The following TMEM244 variants were observed in gnomAD, a reference collection of about 807,000 sequenced individuals.
The protein encoded by TMEM244 is putative transmembrane protein 244.
Under a neutral mutation model 15.8 loss-of-function variants are expected in TMEM244, and 13 were observed. The observed-to-expected ratio is 0.82, with a 90% CI of 0.53 to 1.30. TMEM244 has a LOEUF of 1.30. Ranked by LOEUF, TMEM244 falls within the 50% of genes most tolerant of loss-of-function variation. The pLI, the probability that TMEM244 is intolerant of heterozygous loss-of-function variation, is 0.00. For synonymous variants in TMEM244, 45 were observed against 48.7 expected (o/e 0.92, Z 0.32); for missense variants, 161 against 144.9 (o/e 1.11, Z -0.57).
At chr6:129,855,436 A>G (rs1044085579) in intron 1 of TMEM244, among the ~76,000 whole-genome samples, 1 of 145,582 alleles carries the variant, frequency 6.9e-6, no homozygotes, top group African/African-American at 2.5e-5. Flanking sequence ...CAAAGAACTT[A>G]GTAAGTATTT....
chr6:129,840,531 T>C (rs1211715590), intron 3 of TMEM244, among the ~76,000 whole-genome samples: 1 of 152,186 alleles, frequency 6.6e-6, no homozygotes, highest in Non-Finnish European at 1.5e-5. Context: ...AAAGACTTCA[T>C]GACTAAAACC....
In TMEM244 at chr6:129,858,642, C is replaced by T. The variant is rs548042395; in HGVS notation, c.33+2514G>A. ...AGGTATACATTTCTTTCTCCAGTCT[C>T]TAAAAGACAGACACTGATTTGACCA... is the stretch of plus-strand genomic sequence containing the variant. On this transcript the variant is annotated intron_variant, in intron 1 of 4. Coordinates refer to ENST00000368143, the MANE Select transcript of TMEM244 (RefSeq NM_001010876.2). Among the ~76,000 whole-genome samples the T allele has an allele frequency of 2.0e-5, 3 of 152,276 alleles. No individual in the cohort carries two copies. The South Asian group carries it at 6.2e-4, about 32-fold the overall frequency.
intron 3 of TMEM244, 63 bp downstream of exon 3, chr6:129,843,467 A>T: frequency 1.7e-6 from 2 of 1,181,766 alleles, no homozygotes; most frequent in Non-Finnish European, 2.4e-6. Context: ...TTTATTAAAA[A>T]ATTTATGGGG....
chr6:129,847,466 A>G (rs1366806452), intron 1 of TMEM244, among the ~76,000 whole-genome samples: 1 of 152,204 alleles, frequency 6.6e-6, no homozygotes, highest in African/African-American at 2.4e-5. Flanking sequence ...GGTAGTTAGC[A>G]GAGAGTATAC....
At chr6:129,834,753 C>T (rs1776379596) in intron 3 of TMEM244, among the ~76,000 whole-genome samples, 1 of 152,170 alleles carries the variant, frequency 6.6e-6, no homozygotes. Context: ...GAGATCAGTT[C>T]AGCATGCCCT....
chr6:129,843,880 C>T (rs1010621750), intron 2 of TMEM244, among the ~76,000 whole-genome samples: 7 of 152,024 alleles, frequency 4.6e-5, no homozygotes, highest in South Asian at 2.1e-4. Context: ...TTAGGTGAGA[C>T]GGTATAAAGG....
At chr6:129,842,832 A>G (rs974491475) in intron 3 of TMEM244, among the ~76,000 whole-genome samples, 15 of 151,540 alleles carry the variant, frequency 9.9e-5, no homozygotes, top group African/African-American at 3.1e-4. Context: ...GCTCCCCCAA[A>G]CAAGAATGTT....
chr6:129,841,987 A>G (rs1776497283), intron 3 of TMEM244, among the ~76,000 whole-genome samples: 1 of 152,190 alleles, frequency 6.6e-6, no homozygotes, highest in Non-Finnish European at 1.5e-5. Flanking sequence ...TTAAAGATCT[A>G]ATACGCTAAG....
chr6:129,859,665 A>G (rs114833782), intron 1 of TMEM244, among the ~76,000 whole-genome samples: 300 of 152,204 alleles, frequency 2.0e-3, no homozygotes, highest in African/African-American at 6.7e-3. Flanking sequence ...TTCTTGTGCT[A>G]TTTTCCCAGA....
At chr6:129,838,152 A>C (rs1363706513) in intron 3 of TMEM244, among the ~76,000 whole-genome samples, 1 of 152,200 alleles carries the variant, frequency 6.6e-6, no homozygotes, top group Non-Finnish European at 1.5e-5. Context: ...CTTACTCTAA[A>C]ATTCACCACA....
chr6:129,858,153 T>C (rs1776745101), intron 1 of TMEM244, among the ~76,000 whole-genome samples: 1 of 152,184 alleles, frequency 6.6e-6, no homozygotes, highest in Non-Finnish European at 1.5e-5. Context: ...TTTTTCTGTA[T>C]TCATAAGTGA....
rs776694299 is a variant in TMEM244, at chr6:129,831,281, G to A, written c.*38C>T. 9.8e-6 allele frequency: 11 copies of A among 1,117,178 alleles called. No homozygotes were observed. In the Admixed American group the frequency reaches 2.1e-4, roughly 21 times the overall value. The allele number at this position is 1,117,178 out of a possible 1,614,324, so 69.2% of individuals were successfully genotyped here. The stretch of plus-strand genomic sequence containing the variant: ...TGAGAAAATAAAATATATTTCCACA[G>A]TTATTCTATTTAACATTATTTCTGT... On this transcript the variant is annotated 3_prime_UTR_variant, in exon 5 of 5. Transcript: ENST00000368143.
intron 3 of TMEM244, among the ~76,000 whole-genome samples, chr6:129,837,725 G>A (rs369340630): frequency 4.6e-5 from 7 of 152,264 alleles, no homozygotes; most frequent in East Asian, 3.9e-4. Context: ...AAGGGATGGA[G>A]GAAGATCTAC....
intron 1 of TMEM244, among the ~76,000 whole-genome samples, chr6:129,854,251 A>C (rs769073944): frequency 2.0e-5 from 3 of 152,182 alleles, no homozygotes; most frequent in Non-Finnish European, 4.4e-5. Context: ...TTACAGTTTT[A>C]GAATTAATAG....
chr6:129,839,088 A>G (rs996458416), intron 3 of TMEM244, among the ~76,000 whole-genome samples: 1 of 152,252 alleles, frequency 6.6e-6, no homozygotes, highest in African/African-American at 2.4e-5. Context: ...TGAGGCTAGC[A>G]TCATCCTGAT....
intron 3 of TMEM244, among the ~76,000 whole-genome samples, chr6:129,838,439 T>G (rs184422896): frequency 1.3e-5 from 2 of 152,190 alleles, no homozygotes; most frequent in Non-Finnish European, 2.9e-5. Flanking sequence ...TAAAGCAGTA[T>G]GTAGAGGGAA....
chr6:129,840,356 C>T (rs901077233), intron 3 of TMEM244, among the ~76,000 whole-genome samples: 1 of 152,052 alleles, frequency 6.6e-6, no homozygotes. Context: ...ATAAATGGTG[C>T]TGGGAAAACT....
In TMEM244 at chr6:129,845,830, AG is replaced by A. The variant is rs747358015; in HGVS notation, c.55del (p.Leu19TyrfsTer14). 1 of 1,613,034 alleles carries A rather than the reference AG, an allele frequency of 6.2e-7. No individual in the cohort carries two copies. On this transcript the variant is annotated frameshift_variant, in exon 2 of 5. Coordinates refer to ENST00000368143, the MANE Select transcript of TMEM244 (RefSeq NM_001010876.2). LOFTEE classifies it high-confidence loss of function. ...PSKVVLQKFL[L>X]CVILFYTVYY... ...CACAGTGTAGAAAAGAATGACACAT[AG>A]AAGAAACTTCTGCAAAACAACCTGT... is the stretch of plus-strand genomic sequence containing the variant.
chr6:129,857,147 T>G (rs572073415), intron 1 of TMEM244, among the ~76,000 whole-genome samples: 9 of 152,178 alleles, frequency 5.9e-5, no homozygotes, highest in Non-Finnish European at 1.2e-4. Context: ...ATTTTTAAAA[T>G]TGTTTGTGTT....
Sources: gnomAD v4.1 joint callset for allele counts (sites outside exome capture counted in the v4.1 genomes callset) on GRCh38, gnomAD v4.1.1 for gene constraint, MANE v1.5 for transcripts, NCBI Gene and HGNC (gene_info 2026-07-23, HGNC 2026-07-21) for gene names.